PTPRT: variants seen among roughly 807,000 people sequenced by gnomAD.
PTPRT encodes the protein receptor-type tyrosine-protein phosphatase T.
A neutral mutation model predicts 176.8 loss-of-function variants in PTPRT; 56 were observed. The observed-to-expected ratio is 0.32, with a 90% CI of 0.26 to 0.40. The LOEUF is 0.40. PTPRT is among the 10% of genes least tolerant of loss of function. The pLI, the probability that PTPRT is intolerant of heterozygous loss-of-function variation, is 1.00. For synonymous variants in PTPRT, 783 were observed against 739.0 expected, an observed-to-expected ratio of 1.06 and a Z score of -0.96; for missense variants, 1,540 against 1,908.2, an observed-to-expected ratio of 0.81 and a Z score of 3.60.
intron 7 of PTPRT, among the ~76,000 whole-genome samples, chr20:42,654,264 G>T (rs75696969): frequency 0.017 from 2,654 of 152,270 alleles, 89 homozygotes; most frequent in African/African-American, 0.06. Flanking sequence ...GAGAAGGCTG[G>T]TAGAAAGGTC....
Position 42,074,586 on chromosome 20 carries a change from C to A in PTPRT, c.*6293G>T. ...TAATGATCAAGCCCCTAAAACTCTT[C>A]CCAATAGATTTTCTTTCATCCTGAG... On this transcript the variant is annotated 3_prime_UTR_variant, in exon 31 of 31. Coordinates refer to ENST00000373187, the MANE Select transcript of PTPRT (RefSeq NM_007050.6). 1 of 392,988 alleles carries A rather than the reference C, an allele frequency of 2.5e-6. No individual in the cohort carries two copies. The highest frequency in any genetic ancestry group is 6.4e-4 in the Middle Eastern group (1 of 1,562). The allele number at this position is 392,988 out of a possible 1,614,324, so 24.3% of individuals were successfully genotyped here.
At position 42,120,045 on chromosome 20, in the gene PTPRT, C is replaced by A. The variant is rs573894973; in HGVS notation, c.2848-74G>T. 7 of 1,352,018 alleles carry A rather than the reference C, an allele frequency of 5.2e-6. No homozygotes were observed. In the Admixed American group the frequency reaches 1.0e-4, roughly 20 times the overall value. 83.8% of individuals were successfully genotyped at this position (1,352,018 alleles called of 1,614,324 possible). ...CAAACAGCACAATATTAATAAACAT[C>A]CTCTCCAAGTCTTGATTTTCTCATG... On this transcript the variant is annotated intron_variant, in intron 19 of 30. Coordinates refer to ENST00000373187, the MANE Select transcript of PTPRT (RefSeq NM_007050.6).
chr20:42,823,927 T>A (rs2077946537), intron 2 of PTPRT, among the ~76,000 whole-genome samples: 4 of 149,344 alleles, frequency 2.7e-5, no homozygotes, highest in Admixed American at 2.0e-4. Context: ...AAAAGTTCAG[T>A]AAGATGAGTG....
At chr20:42,332,894 C>T (rs994183692) in intron 11 of PTPRT, among the ~76,000 whole-genome samples, 6 of 152,086 alleles carry the variant, frequency 3.9e-5, no homozygotes, top group Non-Finnish European at 8.8e-5. Context: ...AAAATAAATC[C>T]ATGAATATTT....
At chr20:42,226,364 A>G (rs2056010223) in intron 15 of PTPRT, among the ~76,000 whole-genome samples, 1 of 152,240 alleles carries the variant, frequency 6.6e-6, no homozygotes, top group Non-Finnish European at 1.5e-5. Flanking sequence ...CTGTGGAGCC[A>G]GGAAGCTCAG....
chr20:42,520,385 A>T lies in PTPRT; in HGVS notation c.1154-47823T>A, dbSNP rs143510174. On this transcript the variant is annotated intron_variant, in intron 7 of 30. Transcript: ENST00000373187. The stretch of plus-strand genomic sequence containing the variant: ...GTAACATACCCTTTTCGGCCCCTCA[A>T]AGTAACCAGTATCATGACTTTTATA... Among the ~76,000 whole-genome samples, 337 of 152,176 alleles carry T rather than the reference A, an allele frequency of 2.2e-3. 2 individuals carry two copies. The Middle Eastern group carries it at 0.037, about 17-fold the overall frequency.
intron 4 of PTPRT, among the ~76,000 whole-genome samples, chr20:42,778,153 G>C (rs564475463): frequency 6.6e-6 from 1 of 152,164 alleles, no homozygotes; most frequent in Non-Finnish European, 1.5e-5. Flanking sequence ...ATTTCAAAAG[G>C]ATTCATGAGA....
intron 5 of PTPRT, among the ~76,000 whole-genome samples, chr20:42,768,745 G>A (rs925758938): frequency 1.3e-5 from 2 of 152,144 alleles, no homozygotes; most frequent in Non-Finnish European, 2.9e-5. Context: ...CCCATTGAAA[G>A]CCACCTGGAA....
At chr20:42,926,684 C>T (rs1336071575) in intron 1 of PTPRT, among the ~76,000 whole-genome samples, 6 of 152,166 alleles carry the variant, frequency 3.9e-5, no homozygotes, top group South Asian at 2.1e-4. Context: ...GCTTCCTCCC[C>T]GTGTGCCCAA....
chr20:42,863,705 T>C (rs1201563333), intron 2 of PTPRT, among the ~76,000 whole-genome samples: 1 of 152,222 alleles, frequency 6.6e-6, no homozygotes, highest in Admixed American at 6.5e-5. Flanking sequence ...TCCCCTAACC[T>C]GACTCCCTGC....
intron 5 of PTPRT, among the ~76,000 whole-genome samples, chr20:42,765,356 T>C (rs1268412034): frequency 1.3e-5 from 2 of 152,076 alleles, no homozygotes; most frequent in East Asian, 3.9e-4. Context: ...ATAAAATATT[T>C]CTAAACATGC....
intron 1 of PTPRT, among the ~76,000 whole-genome samples, chr20:42,887,401 T>C (rs2079120365): frequency 6.6e-6 from 1 of 152,224 alleles, no homozygotes; most frequent in African/African-American, 2.4e-5. Flanking sequence ...TCTGCCAATG[T>C]CTCGATCTTA....
At chr20:42,392,335 G>A (rs558210998) in intron 9 of PTPRT, among the ~76,000 whole-genome samples, 1 of 151,896 alleles carries the variant, frequency 6.6e-6, no homozygotes, top group African/African-American at 2.4e-5. Context: ...GGAAAAATGG[G>A]AAAAAAGTAA....
intron 9 of PTPRT, among the ~76,000 whole-genome samples, chr20:42,446,621 T>A (rs6124457): frequency 0.17 from 22,390 of 129,438 alleles, 1,997 homozygotes; most frequent in African/African-American, 0.23. Context: ...TGTGTGTGTG[T>A]GAGAGAGAGA....
At chr20:42,177,137 C>T (rs1456716207) in intron 16 of PTPRT, among the ~76,000 whole-genome samples, 4 of 152,158 alleles carry the variant, frequency 2.6e-5, no homozygotes, top group Admixed American at 2.0e-4. Flanking sequence ...GTGTAATGTA[C>T]ATATCTAGAG....
intron 9 of PTPRT, among the ~76,000 whole-genome samples, chr20:42,377,137 G>T (rs1465519173): frequency 2.6e-5 from 4 of 152,108 alleles, no homozygotes; most frequent in Non-Finnish European, 5.9e-5. Context: ...TCAGCAAAGC[G>T]ATGCATTTCA....
chr20:42,958,139 C>G (rs1307239408), intron 1 of PTPRT, among the ~76,000 whole-genome samples: 3 of 97,988 alleles, frequency 3.1e-5, no homozygotes, highest in African/African-American at 8.7e-5. Context: ...ATGTGTACCT[C>G]GAGAGGCTAG....
At chr20:42,537,630 C>G (rs1312038834) in intron 7 of PTPRT, among the ~76,000 whole-genome samples, 2 of 152,190 alleles carry the variant, frequency 1.3e-5, no homozygotes, top group East Asian at 3.9e-4. Context: ...GTTCAGTTCT[C>G]TTTCAATTAA....
At chr20:42,777,741 A>G (rs2077158021) in intron 4 of PTPRT, among the ~76,000 whole-genome samples, 1 of 152,218 alleles carries the variant, frequency 6.6e-6, no homozygotes, top group South Asian at 2.1e-4. Flanking sequence ...CTAGGTATGG[A>G]CTGAGCACTG....
Sources: allele counts gnomAD v4.1 joint callset (sites outside exome capture counted in the v4.1 genomes callset), GRCh38; gene constraint gnomAD v4.1.1; transcripts MANE v1.5; gene names NCBI Gene and HGNC (gene_info 2026-07-23, HGNC 2026-07-21).